RRP7A: variants seen among roughly 807,000 people sequenced by gnomAD.
The protein encoded by RRP7A is ribosomal RNA-processing protein 7 homolog A.
RRP7A carries 27 observed loss-of-function variants against 38.4 expected under a neutral mutation model. That is an observed-to-expected ratio of 0.70 (90% CI 0.52 to 0.97). The LOEUF is 0.97. RRP7A is among the 50% of genes least tolerant of loss of function. RRP7A has a pLI of 0.00. For missense variants in RRP7A, 327 were observed against 375.4 expected (o/e 0.87, Z 1.07); for synonymous variants, 124 against 150.3 (o/e 0.83, Z 1.28).
At chr22:42,516,991 C>A (rs573903595) in intron 2 of RRP7A, among the ~76,000 whole-genome samples, 126 of 152,190 alleles carry the variant, frequency 8.3e-4, no homozygotes, top group East Asian at 2.3e-3. Flanking sequence ...TCCAGCAATT[C>A]CCTTGGCCAG....
rs1219676715 is a variant in RRP7A at position 42,512,046 on chromosome 22, T to G, written c.*864A>C. 1 of 1,156,684 alleles carries G rather than the reference T, an allele frequency of 8.6e-7. No individual in the cohort carries two copies. Among genetic ancestry groups the G allele is most frequent in the East Asian group, 2.3e-5 (1 of 42,956 alleles). The allele number at this position is 1,156,684 out of a possible 1,614,324, so 71.7% of individuals were successfully genotyped here. On this transcript the variant is annotated 3_prime_UTR_variant, in exon 7 of 7. Transcript: ENST00000323013. ...GAGCTGGAATGCTGTGGGAGGGCCC[T>G]GACCCCGGGGCCCATGGAGCTCCCT... is the stretch of plus-strand genomic sequence containing the variant.
intron 1 of RRP7A, among the ~76,000 whole-genome samples, chr22:42,519,047 G>A (rs1310597706): frequency 8.1e-5 from 12 of 148,190 alleles, no homozygotes; most frequent in African/African-American, 2.0e-4. Flanking sequence ...GCAACAAACC[G>A]GCACAGCACG....
rs1358842357 is a variant in RRP7A, at chr22:42,517,989, A to T, written c.216+16T>A. On this transcript the variant is annotated intron_variant, in intron 2 of 6. Transcript: ENST00000323013. Reference sequence around the variant, plus strand: ...CTTGAGCCCACAGGTCTCCTCCCAGACAGACACTAGCTCACCTCTGTGCAG... The same window carrying T: ...CTTGAGCCCACAGGTCTCCTCCCAGTCAGACACTAGCTCACCTCTGTGCAG... The T allele has an allele frequency of 6.2e-7, 1 of 1,610,580 alleles. No individual in the cohort carries two copies. Among genetic ancestry groups the T allele is most frequent in the Admixed American group, 1.7e-5 (1 of 59,340 alleles).
rs1028360809 is a variant in RRP7A, at chr22:42,508,655, A to G, written c.*4255T>C. ...CAGGGGACAGCGTGAGGTGCAGCCT[A>G]TGGACTGGGAAAGGGGTGTGGAAGG... On this transcript the variant is annotated 3_prime_UTR_variant, in exon 7 of 7. Transcript: ENST00000323013. Among the ~76,000 whole-genome samples, 17 of 152,226 alleles carry G rather than the reference A, an allele frequency of 1.1e-4. No homozygotes were observed. Among genetic ancestry groups the G allele is most frequent in the Admixed American group, 2.0e-4 (3 of 15,284 alleles).
chr22:42,517,412 T>TA (rs1249151520), intron 2 of RRP7A, among the ~76,000 whole-genome samples: 2 of 151,852 alleles, frequency 1.3e-5, no homozygotes, highest in Non-Finnish European at 2.9e-5. Flanking sequence ...TTTATTTTCT[T>TA]ATACTTTCCT....
Position 42,517,981 on chromosome 22 carries a change from C to T in RRP7A, c.216+24G>A, listed in dbSNP as rs200323090. 7.5e-4 allele frequency: 1,211 copies of T among 1,608,698 alleles called. 2 individuals are homozygous for T. The highest frequency in any genetic ancestry group is 9.4e-4 in the Non-Finnish European group (1,110 of 1,177,252). ...GCCCCCACCTTGAGCCCACAGGTCTCCTCCCAGACAGACACTAGCTCACCT... is the reference window on the plus strand; with the variant it reads ...GCCCCCACCTTGAGCCCACAGGTCTTCTCCCAGACAGACACTAGCTCACCT... On this transcript the variant is annotated intron_variant, in intron 2 of 6. Coordinates refer to ENST00000323013, the MANE Select transcript of RRP7A (RefSeq NM_015703.5).
chr22:42,515,495 A>G (rs1353208917), intron 3 of RRP7A, among the ~76,000 whole-genome samples: 1 of 152,224 alleles, frequency 6.6e-6, no homozygotes, highest in East Asian at 1.9e-4. Flanking sequence ...ACTCCTCCCC[A>G]GGAAGAGGGG....
Position 42,511,799 on chromosome 22 carries a change from T to G in RRP7A, c.*1111A>C. On this transcript the variant is annotated 3_prime_UTR_variant, in exon 7 of 7. Coordinates refer to ENST00000323013, the MANE Select transcript of RRP7A (RefSeq NM_015703.5). ...TCTGCAGGCTGCTCACGTCATCTCA[T>G]TATCTTTTCTCACGAGGACTACTTC... 3.3e-6 allele frequency: 1 copy of G among 300,282 alleles called. No individual in the cohort carries two copies. The highest frequency in any genetic ancestry group is 6.4e-6 in the Non-Finnish European group (1 of 156,442). 18.6% of individuals were successfully genotyped at this position (300,282 alleles called of 1,614,324 possible). A position where few individuals can be genotyped will look rare whatever the true frequency, so the allele number is the denominator to read the frequency against.
At position 42,513,008 on chromosome 22, in the gene RRP7A, G is replaced by A. The variant is rs780872329; in HGVS notation, c.758-13C>T. ...AGCTGCGCTAGATCTGGGGGTGAGA[G>A]GAGGCGCGGGGCAGGGTCAGACAGC... is the stretch of plus-strand genomic sequence containing the variant. On this transcript the variant is annotated splice_polypyrimidine_tract_variant and intron_variant, in intron 6 of 6. Coordinates refer to ENST00000323013, the MANE Select transcript of RRP7A (RefSeq NM_015703.5). 2.6e-5 allele frequency: 42 copies of A among 1,608,018 alleles called. No homozygotes were observed. The Middle Eastern group carries it at 6.9e-4, about 26-fold the overall frequency.
In RRP7A at chr22:42,508,619, T is replaced by TC. The variant is rs1329324205; in HGVS notation, c.*4290dup. ...TTTCTTTCTCCTGGCAAGAAGCCTGTCCCAGGCTGGCAGGGGACAGCGTGA... is the reference window on the plus strand; with the variant it reads ...TTTCTTTCTCCTGGCAAGAAGCCTGTCCCCAGGCTGGCAGGGGACAGCGTGA... On this transcript the variant is annotated 3_prime_UTR_variant, in exon 7 of 7. Transcript: ENST00000323013. 6.6e-6 allele frequency among the ~76,000 whole-genome samples: 1 copy of TC among 152,188 alleles called. No homozygotes were observed. The highest frequency in any genetic ancestry group is 2.4e-5 in the African/African-American group (1 of 41,436).
chr22:42,514,671 G>A lies in RRP7A; in HGVS notation c.558+11C>T, dbSNP rs781062137. ...CGATGCGGGGCTCGGCCGACCCCGCGGGGCCTCTACCTCAGCGATCTTCTG... is the reference window on the plus strand; with the variant it reads ...CGATGCGGGGCTCGGCCGACCCCGCAGGGCCTCTACCTCAGCGATCTTCTG... On this transcript the variant is annotated intron_variant, in intron 5 of 6. Coordinates refer to ENST00000323013, the MANE Select transcript of RRP7A (RefSeq NM_015703.5). 109 of 1,599,420 alleles carry A rather than the reference G, an allele frequency of 6.8e-5. No homozygotes were observed. The highest frequency in any genetic ancestry group is 4.3e-4 in the South Asian group (39 of 90,118).
Position 42,509,819 on chromosome 22 carries a change from G to T in RRP7A, c.*3091C>A. On this transcript the variant is annotated 3_prime_UTR_variant, in exon 7 of 7. Transcript: ENST00000323013. The stretch of plus-strand genomic sequence containing the variant: ...ACAAAGCCAGGTCATGGTTGCTCAG[G>T]ACCGGAAGCCTGTTGGGGGTGGGGG... The T allele has an allele frequency of 7.3e-6, 1 of 136,434 alleles. No homozygotes were observed. Among genetic ancestry groups the T allele is most frequent in the African/African-American group, 2.6e-5 (1 of 37,876 alleles). The allele number at this position is 136,434 out of a possible 1,614,324, so 8.5% of individuals were successfully genotyped here. A position where few individuals can be genotyped will look rare whatever the true frequency, so the allele number is the denominator to read the frequency against.
rs1262975699 is a variant in RRP7A at position 42,511,373 on chromosome 22, C to T, written c.*1537G>A. On this transcript the variant is annotated 3_prime_UTR_variant, in exon 7 of 7. Coordinates refer to ENST00000323013, the MANE Select transcript of RRP7A (RefSeq NM_015703.5). ...TATATTTTTAAGAGATGGGGGTTCA[C>T]CATGTTGGCCAGGCTGGTCTCAAAC... 6.6e-6 allele frequency: 1 copy of T among 152,372 alleles called. No homozygotes were observed. 9.4% of individuals were successfully genotyped at this position (152,372 alleles called of 1,614,324 possible).
intron 1 of RRP7A, chr22:42,518,820 C>G (rs1042856698): frequency 9.7e-5 from 45 of 463,420 alleles, no homozygotes; most frequent in Non-Finnish European, 1.9e-4. Context: ...TCTCACACCT[C>G]CGTCACAGTA....
At chr22:42,516,485 G>C (rs1298653872) in intron 2 of RRP7A, 3 of 376,670 alleles carry the variant, frequency 8.0e-6, no homozygotes, top group Non-Finnish European at 1.6e-5. Flanking sequence ...GCTAATTTTT[G>C]TATTTTGAGA....
intron 6 of RRP7A, 22 bp downstream of exon 6, chr22:42,514,084 G>A: frequency 1.9e-6 from 3 of 1,606,208 alleles, no homozygotes; most frequent in Non-Finnish European, 2.5e-6. Context: ...AGGGGTCTGA[G>A]GATGGACTGG....
At chr22:42,517,463 G>A (rs369184276) in intron 2 of RRP7A, among the ~76,000 whole-genome samples, 8 of 151,600 alleles carry the variant, frequency 5.3e-5, no homozygotes, top group African/African-American at 9.7e-5. Flanking sequence ...AAGAAAACAC[G>A]TAATTCAGAC....
chr22:42,519,476 C>T (rs917046068), intron 1 of RRP7A, among the ~76,000 whole-genome samples: 19 of 152,164 alleles, frequency 1.2e-4, no homozygotes, highest in African/African-American at 4.6e-4. Context: ...GAGGCGGGCT[C>T]ACCCAAGGGA....
chr22:42,519,769 C>T lies in RRP7A; in HGVS notation c.18G>A (p.Arg6=). 2 of 1,448,716 alleles carry T rather than the reference C, an allele frequency of 1.4e-6. No homozygotes were observed. The highest frequency in any genetic ancestry group is 1.8e-6 in the Non-Finnish European group (2 of 1,102,050). The allele number at this position is 1,448,716 out of a possible 1,614,324, so 89.7% of individuals were successfully genotyped here. A position where few individuals can be genotyped will look rare whatever the true frequency, so the allele number is the denominator to read the frequency against. Reference sequence around the variant, plus strand: ...CCTCCGGGTCCCGCGCGGCGCACTTCCTCCTGCGCGCCACCATCTTGCCAC... The same window carrying T: ...CCTCCGGGTCCCGCGCGGCGCACTTTCTCCTGCGCGCCACCATCTTGCCAC... MVARR[R]KCAARDPEDR... Residue 6 remains arginine (R), a synonymous_variant, in exon 1 of 7, where the codon AGG becomes AGA. Transcript: ENST00000323013.
Sources: gnomAD v4.1 joint callset for allele counts (sites outside exome capture counted in the v4.1 genomes callset) on GRCh38, gnomAD v4.1.1 for gene constraint, MANE v1.5 for transcripts, NCBI Gene and HGNC (gene_info 2026-07-23, HGNC 2026-07-21) for gene names.